Variants in NBEA observed in about 807,000 individuals in gnomAD.
NBEA encodes lysosomal-trafficking regulator 2.
In NBEA, 44 loss-of-function variants were observed where a neutral mutation model predicts 343.4. The observed-to-expected ratio is 0.13, with a 90% CI of 0.10 to 0.16. The LOEUF is 0.16. NBEA is among the 10% of genes least tolerant of loss of function. The probability of loss-of-function intolerance (pLI) is 1.00; values close to 1 mark genes in which losing one functional copy is unlikely to be tolerated. For synonymous variants in NBEA, 1,175 were observed against 1,238.7 expected (o/e 0.95, Z 1.08); for missense variants, 2,555 against 3,631.3 (o/e 0.70, Z 7.62).
At chr13:35,004,584 A>G (rs73167731) in intron 1 of NBEA, among the ~76,000 whole-genome samples, 2,685 of 152,282 alleles carry the variant, frequency 0.018, 28 homozygotes, top group Middle Eastern at 0.034. Context: ...CTAATATCCC[A>G]TTTTGGAAGC....
chr13:35,472,676 C>T (rs758460656), intron 41 of NBEA, 140 bp downstream of exon 41: 2 of 815,052 alleles, frequency 2.5e-6, no homozygotes, highest in East Asian at 2.6e-5. Context: ...AATGAAATAG[C>T]ATGTTCTCTT....
At chr13:35,223,526 T>A (rs1016865554) in intron 33 of NBEA, among the ~76,000 whole-genome samples, 2 of 152,334 alleles carry the variant, frequency 1.3e-5, no homozygotes, top group Middle Eastern at 3.4e-3. Context: ...CTTTATGGAA[T>A]GTGTCTTTAT....
chr13:35,227,033 T>C (rs925623543), intron 33 of NBEA, among the ~76,000 whole-genome samples: 10 of 152,166 alleles, frequency 6.6e-5, no homozygotes, highest in African/African-American at 2.2e-4. Flanking sequence ...TTTATCTACT[T>C]TTTTAACCTT....
chr13:35,627,431 T>C (rs1416446434), intron 48 of NBEA, among the ~76,000 whole-genome samples: 1 of 152,086 alleles, frequency 6.6e-6, no homozygotes, highest in Non-Finnish European at 1.5e-5. Flanking sequence ...TCTTAGGAAA[T>C]AAAAAGGCCT....
intron 34 of NBEA, among the ~76,000 whole-genome samples, chr13:35,281,451 G>C (rs907131016): frequency 2.6e-5 from 4 of 152,108 alleles, no homozygotes; most frequent in African/African-American, 4.8e-5. Context: ...AATAATTATT[G>C]TATAAAGTTA....
chr13:35,138,591 C>G (rs1251087039), intron 17 of NBEA, among the ~76,000 whole-genome samples: 1 of 151,722 alleles, frequency 6.6e-6, no homozygotes, highest in Non-Finnish European at 1.5e-5. Flanking sequence ...TCCAGAGTAG[C>G]TGGGATTACA....
At chr13:35,141,110 G>A (rs1401897194) in intron 17 of NBEA, among the ~76,000 whole-genome samples, 1 of 152,176 alleles carries the variant, frequency 6.6e-6, no homozygotes, top group African/African-American at 2.4e-5. Flanking sequence ...GGCTGGAAAT[G>A]TAATACAGAT....
chr13:35,427,658 G>A (rs575695462), intron 38 of NBEA, among the ~76,000 whole-genome samples: 2 of 152,344 alleles, frequency 1.3e-5, no homozygotes, highest in Admixed American at 1.3e-4. Context: ...TCTCTTCAAA[G>A]CTGTCAGACA....
intron 41 of NBEA, among the ~76,000 whole-genome samples, chr13:35,500,566 C>G (rs2076845594): frequency 6.6e-6 from 1 of 151,968 alleles, no homozygotes; most frequent in African/African-American, 2.4e-5. Context: ...TGTTTTTTGC[C>G]TACTCTTTTC....
chr13:35,560,559 G>T (rs186223571), intron 44 of NBEA, among the ~76,000 whole-genome samples: 1 of 152,134 alleles, frequency 6.6e-6, no homozygotes, highest in African/African-American at 2.4e-5. Context: ...AAGCCCTTGG[G>T]ATCAACATCT....
At chr13:35,553,269 A>G (rs2079428649) in intron 43 of NBEA, among the ~76,000 whole-genome samples, 1 of 152,134 alleles carries the variant, frequency 6.6e-6, no homozygotes, top group Admixed American at 6.6e-5. Flanking sequence ...TCATAATGCC[A>G]TTCTATCTTC....
rs373329686 is a variant in NBEA at position 35,349,318 on chromosome 13, A to T, written c.6012+102A>T. ...AAGGTTTTTTTAAAAGGAAAATTTC[A>T]CTGAAGGCATTTCTGTTCCTGTTTT... On this transcript the variant is annotated intron_variant, in intron 37 of 58. Coordinates refer to ENST00000379939, the MANE Select transcript of NBEA (RefSeq NM_001385012.1). The T allele has an allele frequency of 1.3e-5, 7 of 538,722 alleles. No homozygotes were observed. In the East Asian group the frequency reaches 2.2e-4, roughly 17 times the overall value. The allele number at this position is 538,722 out of a possible 1,614,324, so 33.4% of individuals were successfully genotyped here.
At chr13:35,238,926 G>A (rs1482452703) in intron 34 of NBEA, among the ~76,000 whole-genome samples, 1 of 152,020 alleles carries the variant, frequency 6.6e-6, no homozygotes, top group Non-Finnish European at 1.5e-5. Context: ...AAATGAATGA[G>A]CCTAGTCAAG....
At chr13:35,020,333 C>T (rs554242402) in intron 1 of NBEA, among the ~76,000 whole-genome samples, 23 of 151,828 alleles carry the variant, frequency 1.5e-4, no homozygotes, top group Non-Finnish European at 2.9e-4. Flanking sequence ...TTAATTCTAC[C>T]GTGATCAGAT....
intron 10 of NBEA, among the ~76,000 whole-genome samples, chr13:35,082,104 C>T (rs866400162): frequency 2.6e-4 from 39 of 152,132 alleles, no homozygotes; most frequent in African/African-American, 8.9e-4. Flanking sequence ...GTGTGATGTT[C>T]CCCTTCCTGT....
chr13:35,046,932 TC>T (rs1221876931), intron 4 of NBEA, among the ~76,000 whole-genome samples: 3 of 152,114 alleles, frequency 2.0e-5, no homozygotes, highest in African/African-American at 4.8e-5. Flanking sequence ...TCTTATGTCT[TC>T]ATTTGTGATG....
At chr13:35,500,688 A>G (rs1594816527) in intron 41 of NBEA, among the ~76,000 whole-genome samples, 1 of 146,114 alleles carries the variant, frequency 6.8e-6, no homozygotes, top group African/African-American at 2.5e-5. Context: ...TCATGTTCTC[A>G]CTCCTCGTGC....
chr13:35,435,130 G>A (rs2045352139), intron 39 of NBEA, among the ~76,000 whole-genome samples: 1 of 152,044 alleles, frequency 6.6e-6, no homozygotes. Context: ...CTGGGTTCAA[G>A]CGATTCTTCT....
At chr13:34,958,743 T>G (rs2059573230) in intron 1 of NBEA, among the ~76,000 whole-genome samples, 2 of 152,118 alleles carry the variant, frequency 1.3e-5, no homozygotes, top group Non-Finnish European at 2.9e-5. Context: ...TGAGAGTGTT[T>G]GGAACTTATT....
Sources: gnomAD v4.1 joint callset for allele counts (sites outside exome capture counted in the v4.1 genomes callset) on GRCh38, gnomAD v4.1.1 for gene constraint, MANE v1.5 for transcripts, NCBI Gene and HGNC (gene_info 2026-07-23, HGNC 2026-07-21) for gene names.